SRPK2: variants seen among roughly 807,000 people sequenced by gnomAD.
SRPK2 encodes the protein SFRS protein kinase 2.
A neutral mutation model predicts 90.8 loss-of-function variants in SRPK2; 21 were observed. That is an observed-to-expected ratio of 0.23 (90% CI 0.16 to 0.33). SRPK2 has a LOEUF of 0.33. SRPK2 is among the 10% of genes least tolerant of loss of function. SRPK2 has a pLI of 1.00. For synonymous variants in SRPK2, 288 were observed against 311.1 expected, an observed-to-expected ratio of 0.93 and a Z score of 0.78; for missense variants, 620 against 869.0, an observed-to-expected ratio of 0.71 and a Z score of 3.60.
At chr7:105,334,358 G>C (rs750591306) in intron 2 of SRPK2, among the ~76,000 whole-genome samples, 2 of 151,878 alleles carry the variant, frequency 1.3e-5, no homozygotes, top group Non-Finnish European at 2.9e-5. Context: ...GATTACAGGC[G>C]TGAGCCACCA....
intron 2 of SRPK2, among the ~76,000 whole-genome samples, chr7:105,295,740 C>T (rs959807675): frequency 5.3e-5 from 8 of 152,166 alleles, no homozygotes; most frequent in Non-Finnish European, 1.2e-4. Flanking sequence ...GAACTGCACA[C>T]TTCAAAAATG....
chr7:105,396,670 A>G (rs1314785047), intron 1 of SRPK2, among the ~76,000 whole-genome samples: 1 of 143,238 alleles, frequency 7.0e-6, no homozygotes, highest in African/African-American at 2.5e-5. Context: ...AAGAAGAAGA[A>G]GAGGAAGAAG....
chr7:105,185,243 AAAAAATT>A, intron 3 of SRPK2, among the ~76,000 whole-genome samples: 1 of 152,142 alleles, frequency 6.6e-6, no homozygotes, highest in Admixed American at 6.5e-5. Flanking sequence ...CTTTTAAAAG[AAAAAATT>A]AAAAAAAGAG....
chr7:105,306,620 C>T (rs1811176013), intron 2 of SRPK2: 6 of 393,958 alleles, frequency 1.5e-5, no homozygotes, highest in South Asian at 1.1e-4. Context: ...TGGCTAACTG[C>T]TATCCTCTCG....
chr7:105,127,227 G>T (rs1801334379), intron 13 of SRPK2, among the ~76,000 whole-genome samples, 165 bp from the exon 14 acceptor site: 1 of 152,202 alleles, frequency 6.6e-6, no homozygotes, highest in South Asian at 2.1e-4. Context: ...CACATTCAAA[G>T]AAGTTTCAGA....
At chr7:105,337,418 G>T (rs565732734) in intron 2 of SRPK2, among the ~76,000 whole-genome samples, 1 of 151,556 alleles carries the variant, frequency 6.6e-6, no homozygotes, top group Non-Finnish European at 1.5e-5. Context: ...CGGTTCAAGC[G>T]ATTCTCCTGC....
chr7:105,332,349 A>T (rs1017637848), intron 2 of SRPK2, among the ~76,000 whole-genome samples: 1 of 152,218 alleles, frequency 6.6e-6, no homozygotes, highest in Non-Finnish European at 1.5e-5. Flanking sequence ...ATTGCTCATA[A>T]CTTTGGACTC....
At chr7:105,316,243 C>G (rs1812298183) in intron 2 of SRPK2, among the ~76,000 whole-genome samples, 1 of 152,162 alleles carries the variant, frequency 6.6e-6, no homozygotes, top group South Asian at 2.1e-4. Flanking sequence ...GGATTACAGG[C>G]GAGAGCCACC....
intron 1 of SRPK2, among the ~76,000 whole-genome samples, chr7:105,396,780 G>C (rs1034067076): frequency 7.0e-6 from 1 of 141,950 alleles, no homozygotes; most frequent in African/African-American, 2.6e-5. Context: ...AAGAAAGAGA[G>C]AGAAAGAAAG....
At chr7:105,376,644 T>A (rs188245483) in intron 2 of SRPK2, among the ~76,000 whole-genome samples, 8 of 151,102 alleles carry the variant, frequency 5.3e-5, no homozygotes, top group Non-Finnish European at 1.5e-5. Context: ...GTTCAAGCAA[T>A]TCTCCTCCTC....
intron 2 of SRPK2, among the ~76,000 whole-genome samples, chr7:105,388,363 C>A (rs1452293553): frequency 6.6e-6 from 1 of 150,686 alleles, no homozygotes; most frequent in Middle Eastern, 3.5e-3. Context: ...CCCTGCCCGG[C>A]GCCTTTCCGC....
At position 105,174,601 on chromosome 7, in the gene SRPK2, A is replaced by C. The variant is rs186504618; in HGVS notation, c.230-5336T>G. 7.6e-4 allele frequency among the ~76,000 whole-genome samples: 116 copies of C among 152,306 alleles called. No homozygotes were observed. In the Middle Eastern group the frequency reaches 0.01, roughly 13 times the overall value. On this transcript the variant is annotated intron_variant, in intron 3 of 15. Transcript: ENST00000393651. ...AGGGGTGGAAAAAAGAAATTTGTTC[A>C]CAGTAACATAACATAAAGACACATT... is the stretch of plus-strand genomic sequence containing the variant.
Position 105,143,306 on chromosome 7 carries a change from T to C in SRPK2, c.838A>G (p.Lys280Glu). 6.2e-7 allele frequency: 1 copy of C among 1,612,622 alleles called. No individual in the cohort carries two copies. ...KPIGKISKNK[K>E]KKLKKKQKRQ... is the part of the protein sequence containing the mutation. ...TTCTGTTTCTTTTTCAGTTTTTTCT[T>C]TTTGTTTTTAGATATTTTTCCTATC... Residue 280 changes from lysine to glutamate, a missense_variant, in exon 10 of 16, where the codon AAG becomes GAG. Physicochemically the swap from Lys to Glu is moderately conservative, Grantham distance 56 (BLOSUM62 1). Around this residue, in one of 8 missense-constraint regions of SRPK2, gnomAD observed 196 missense variants for 339.2 expected, o/e 0.58. Coordinates refer to ENST00000393651, the MANE Select transcript of SRPK2 (RefSeq NM_182692.3).
intron 2 of SRPK2, among the ~76,000 whole-genome samples, chr7:105,246,777 A>AGT (rs1325336234): frequency 2.0e-5 from 3 of 152,226 alleles, no homozygotes; most frequent in African/African-American, 7.2e-5. Flanking sequence ...GAAGACAATC[A>AGT]ACTATAAATT....
intron 2 of SRPK2, among the ~76,000 whole-genome samples, chr7:105,318,073 AT>A (rs1001892565): frequency 3.9e-5 from 6 of 152,042 alleles, no homozygotes; most frequent in African/African-American, 1.4e-4. Flanking sequence ...ATACATTCTT[AT>A]TTTAAAATAC....
intron 7 of SRPK2, among the ~76,000 whole-genome samples, chr7:105,155,697 T>C (rs1005178898): frequency 3.9e-5 from 6 of 152,140 alleles, no homozygotes; most frequent in African/African-American, 1.4e-4. Flanking sequence ...ATCCTCTTAA[T>C]TGGGTACTGT....
At chr7:105,339,301 T>G (rs893184942) in intron 2 of SRPK2, among the ~76,000 whole-genome samples, 1 of 152,220 alleles carries the variant, frequency 6.6e-6, no homozygotes, top group African/African-American at 2.4e-5. Flanking sequence ...TCTAGTTAAA[T>G]AATCCAAACT....
chr7:105,167,084 C>T (rs1295692144), intron 6 of SRPK2, among the ~76,000 whole-genome samples: 1 of 151,510 alleles, frequency 6.6e-6, no homozygotes, highest in Non-Finnish European at 1.5e-5. Flanking sequence ...ATGCTTTTAT[C>T]TACCACCACA....
chr7:105,279,820 A>ACTCT (rs1807021468), intron 2 of SRPK2, among the ~76,000 whole-genome samples: 1 of 152,184 alleles, frequency 6.6e-6, no homozygotes, highest in South Asian at 2.1e-4. Context: ...TTTTACCCTG[A>ACTCT]CTCTGTCAAG....
Sources: allele counts gnomAD v4.1 joint callset (sites outside exome capture counted in the v4.1 genomes callset), GRCh38; gene constraint gnomAD v4.1.1; regional missense constraint gnomAD v4.1.1; transcripts MANE v1.5; gene names NCBI Gene and HGNC (gene_info 2026-07-23, HGNC 2026-07-21).